SHISA9: variants seen among roughly 807,000 people sequenced by gnomAD.
SHISA9 encodes the protein protein shisa-9.
SHISA9 carries 13 observed loss-of-function variants against 38.0 expected under a neutral mutation model. The ratio of observed to expected loss-of-function variants is 0.34; its 90% confidence interval spans 0.22 to 0.54. The LOEUF is 0.54. SHISA9 is among the 20% of genes least tolerant of loss of function. The pLI is 0.91. For missense variants in SHISA9, 538 were observed against 575.8 expected (o/e 0.93, Z 0.67); for synonymous variants, 275 against 242.0 (o/e 1.14, Z -1.27).
At chr16:13,001,549 G>C (rs1027794930) in intron 2 of SHISA9, among the ~76,000 whole-genome samples, 1 of 152,150 alleles carries the variant, frequency 6.6e-6, no homozygotes, top group Non-Finnish European at 1.5e-5. Context: ...AAATCAAAAC[G>C]TTCTGGGGAA....
chr16:13,060,651 A>C (rs940938659), intron 2 of SHISA9, among the ~76,000 whole-genome samples: 1 of 146,148 alleles, frequency 6.8e-6, no homozygotes, highest in Non-Finnish European at 1.5e-5. Context: ...AAAAAAAAAA[A>C]AAAAAAAAAA....
intron 2 of SHISA9, among the ~76,000 whole-genome samples, chr16:13,173,601 C>A (rs1364312823): frequency 6.6e-6 from 1 of 152,148 alleles, no homozygotes; most frequent in Non-Finnish European, 1.5e-5. Flanking sequence ...TGCCTAGAGA[C>A]ATTTTTGGTT....
intron 2 of SHISA9, among the ~76,000 whole-genome samples, chr16:13,055,913 T>C (rs1369882312): frequency 6.6e-6 from 1 of 152,234 alleles, no homozygotes; most frequent in Non-Finnish European, 1.5e-5. Context: ...AAGCCTTTGC[T>C]GAGTGATGCC....
At chr16:12,957,829 C>A (rs4781359) in intron 2 of SHISA9, among the ~76,000 whole-genome samples, 29,276 of 152,140 alleles carry the variant, frequency 0.19, 3,464 homozygotes, top group Middle Eastern at 0.36. Context: ...TCCTGGCTTG[C>A]AGATGGCCAC....
the SHISA9 span, among the ~76,000 whole-genome samples, chr16:13,303,939 G>T: frequency 6.6e-6 from 1 of 151,734 alleles, no homozygotes; most frequent in East Asian, 1.9e-4. Flanking sequence ...CATATCCCTG[G>T]TGTCCCATAA....
Position 13,077,239 on chromosome 16 carries a change from T to C in SHISA9, c.692-126155T>C, listed in dbSNP as rs187827406. Reference sequence around the variant, plus strand: ...TCTATTTTTCACTTCTTCTTCTTCTTCTTCTTTTTTTTTTTTAACCTTCTG... The same window carrying C: ...TCTATTTTTCACTTCTTCTTCTTCTCCTTCTTTTTTTTTTTTAACCTTCTG... On this transcript the variant is annotated intron_variant, in intron 2 of 4. Coordinates refer to ENST00000558583, the MANE Select transcript of SHISA9 (RefSeq NM_001145204.3). Among the ~76,000 whole-genome samples, 134 of 149,892 alleles carry C rather than the reference T, an allele frequency of 8.9e-4. 5 individuals carry two copies. In the East Asian group the frequency reaches 0.022, roughly 25 times the overall value.
intron 2 of SHISA9, among the ~76,000 whole-genome samples, chr16:12,960,050 T>G (rs1303211362): frequency 6.6e-6 from 1 of 152,242 alleles, no homozygotes; most frequent in Non-Finnish European, 1.5e-5. Context: ...AAATGCCTTA[T>G]AAATAGGTCA....
At chr16:13,105,020 GGTT>G (rs2073912988) in intron 2 of SHISA9, among the ~76,000 whole-genome samples, 3 of 151,946 alleles carry the variant, frequency 2.0e-5, no homozygotes, top group Non-Finnish European at 4.4e-5. Flanking sequence ...TACTTCATAG[GGTT>G]GTTGTAAAAA....
At chr16:13,001,023 G>T (rs757663609) in intron 2 of SHISA9, among the ~76,000 whole-genome samples, 1 of 152,136 alleles carries the variant, frequency 6.6e-6, no homozygotes, top group Non-Finnish European at 1.5e-5. Context: ...CGCGTCCCAG[G>T]TTCAAGCGAT....
the SHISA9 span, among the ~76,000 whole-genome samples, chr16:13,304,329 G>T: frequency 6.6e-6 from 1 of 152,186 alleles, no homozygotes; most frequent in Non-Finnish European, 1.5e-5. Context: ...CATGATCACG[G>T]CTCACCGTGG....
chr16:12,941,283 G>A (rs1432382659), intron 2 of SHISA9, among the ~76,000 whole-genome samples: 2 of 152,122 alleles, frequency 1.3e-5, no homozygotes, highest in Non-Finnish European at 2.9e-5. Flanking sequence ...CCCAGGAGGC[G>A]GAGGCTACAG....
chr16:13,411,868 A>G, the SHISA9 span, among the ~76,000 whole-genome samples: 1 of 152,232 alleles, frequency 6.6e-6, no homozygotes, highest in Admixed American at 6.5e-5. Context: ...CAGAAAGAGG[A>G]AGAAAATTTA....
the SHISA9 span, among the ~76,000 whole-genome samples, chr16:13,533,810 G>C: frequency 1.5e-5 from 2 of 137,816 alleles, no homozygotes; most frequent in African/African-American, 5.6e-5. Flanking sequence ...TTGAGACAGA[G>C]TCTCGCTGTA....
the SHISA9 span, among the ~76,000 whole-genome samples, chr16:13,559,987 A>G: frequency 6.6e-6 from 1 of 152,212 alleles, no homozygotes; most frequent in East Asian, 1.9e-4. Flanking sequence ...ATCAGTCAAG[A>G]CTTCATGTTC....
At chr16:13,461,638 TTGA>T in the SHISA9 span, among the ~76,000 whole-genome samples, 1 of 148,526 alleles carries the variant, frequency 6.7e-6, no homozygotes, top group African/African-American at 2.5e-5. Context: ...TTTTTTTTTT[TTGA>T]GACCCTCTGT....
At chr16:13,004,408 G>C (rs570077645) in intron 2 of SHISA9, among the ~76,000 whole-genome samples, 2 of 152,338 alleles carry the variant, frequency 1.3e-5, no homozygotes, top group South Asian at 4.1e-4. Flanking sequence ...GAAGTGGACA[G>C]TATCGGTTCA....
chr16:13,178,569 A>C (rs1011259253), intron 2 of SHISA9, among the ~76,000 whole-genome samples: 2 of 152,114 alleles, frequency 1.3e-5, no homozygotes, highest in Non-Finnish European at 2.9e-5. Flanking sequence ...GCTATTTGGC[A>C]GAGTCATCTA....
intron 2 of SHISA9, among the ~76,000 whole-genome samples, chr16:13,053,185 A>T (rs1483782899): frequency 6.6e-6 from 1 of 151,686 alleles, no homozygotes; most frequent in East Asian, 1.9e-4. Flanking sequence ...CTGGTCTCGA[A>T]CTTCTGACCT....
chr16:13,077,904 A>G (rs1487690273), intron 2 of SHISA9, among the ~76,000 whole-genome samples: 3 of 152,218 alleles, frequency 2.0e-5, no homozygotes, highest in Admixed American at 6.5e-5. Context: ...TTGATTGCCT[A>G]TGAGGACATA....
Sources: allele counts gnomAD v4.1 joint callset (sites outside exome capture counted in the v4.1 genomes callset), GRCh38; gene constraint gnomAD v4.1.1; transcripts MANE v1.5; gene names NCBI Gene and HGNC (gene_info 2026-07-23, HGNC 2026-07-21).